The following HS6ST3 variants were observed in gnomAD, a reference collection of about 807,000 sequenced individuals.
HS6ST3 encodes the protein heparan sulfate 6-O-sulfotransferase 3, also known as heparan-sulfate 6-O-sulfotransferase 3.
In HS6ST3, 12 loss-of-function variants were observed where a neutral mutation model predicts 36.7. The ratio of observed to expected loss-of-function variants is 0.33; its 90% confidence interval spans 0.21 to 0.53. HS6ST3 has a LOEUF of 0.53. HS6ST3 is among the 20% of genes least tolerant of loss of function. The probability of loss-of-function intolerance (pLI) is 0.95; values close to 1 mark genes in which losing one functional copy is unlikely to be tolerated. For synonymous variants in HS6ST3, 240 were observed against 257.5 expected, an observed-to-expected ratio of 0.93 and a Z score of 0.65; for missense variants, 584 against 640.9, an observed-to-expected ratio of 0.91 and a Z score of 0.96.
intron 1 of HS6ST3, among the ~76,000 whole-genome samples, chr13:96,092,103 C>CT (rs1202402140): frequency 6.6e-6 from 1 of 152,160 alleles, no homozygotes. Context: ...CTTGATGCCA[C>CT]TTTGAAGACA....
intron 1 of HS6ST3, among the ~76,000 whole-genome samples, chr13:96,811,559 A>G (rs1447572827): frequency 1.3e-5 from 2 of 152,244 alleles, no homozygotes; most frequent in Non-Finnish European, 2.9e-5. Flanking sequence ...AAAAGGCAGA[A>G]TTATTTCACA....
At chr13:96,732,916 T>G (rs998843882) in intron 1 of HS6ST3, among the ~76,000 whole-genome samples, 1 of 152,220 alleles carries the variant, frequency 6.6e-6, no homozygotes, top group African/African-American at 2.4e-5. Flanking sequence ...TGGGCTTGTT[T>G]TCTTCATTTC....
chr13:96,601,536 A>G (rs2056421529), intron 1 of HS6ST3, among the ~76,000 whole-genome samples: 1 of 151,718 alleles, frequency 6.6e-6, no homozygotes, highest in African/African-American at 2.4e-5. Context: ...TCATTTCTTT[A>G]TGTTGGTTTT....
rs12430998 is a variant in HS6ST3 at position 96,553,982 on chromosome 13, G to A, written c.708-278508G>A. On this transcript the variant is annotated intron_variant, in intron 1 of 1. Transcript: ENST00000376705. ...AATCGCATTAGGGAGGTCTGTGTGC[G>A]TGCGTGCGTGCATGTGTGTGCGCGT... Among the ~76,000 whole-genome samples, 931 of 152,282 alleles carry A rather than the reference G, an allele frequency of 6.1e-3. 44 individuals carry two copies. The highest frequency in any genetic ancestry group is 0.058 in the Admixed American group (894 of 15,300).
At chr13:96,223,656 G>T (rs78913805) in intron 1 of HS6ST3, among the ~76,000 whole-genome samples, 14,113 of 152,032 alleles carry the variant, frequency 0.093, 754 homozygotes, top group Middle Eastern at 0.14. Flanking sequence ...ATGGATATGG[G>T]GGGGGGGAAG....
At chr13:96,830,462 T>G (rs1021395046) in intron 1 of HS6ST3, among the ~76,000 whole-genome samples, 2 of 152,232 alleles carry the variant, frequency 1.3e-5, no homozygotes, top group Non-Finnish European at 2.9e-5. Context: ...TCAAAAGTCA[T>G]TCCTCAATAG....
chr13:96,156,701 T>C (rs533810055), intron 1 of HS6ST3, among the ~76,000 whole-genome samples: 1 of 152,292 alleles, frequency 6.6e-6, no homozygotes, highest in South Asian at 2.1e-4. Flanking sequence ...TTTCTTGACT[T>C]CAGGTCCTGA....
rs528078050 is a variant in HS6ST3, at chr13:96,602,353, C to CT, written c.708-230129dup. ...TTATGTTTTCCTGATTGTTCTTGAT[C>CT]TTTTTTTTAGCATGATGTCTGTGTA... On this transcript the variant is annotated intron_variant, in intron 1 of 1. Coordinates refer to ENST00000376705, the MANE Select transcript of HS6ST3 (RefSeq NM_153456.4). 1.1e-4 allele frequency among the ~76,000 whole-genome samples: 17 copies of CT among 152,086 alleles called. 1 individual carries two copies. Among genetic ancestry groups the CT allele is most frequent in the Admixed American group, 9.8e-4 (15 of 15,276 alleles).
chr13:96,738,241 T>C (rs2138482565), intron 1 of HS6ST3, among the ~76,000 whole-genome samples: 1 of 152,356 alleles, frequency 6.6e-6, no homozygotes, highest in East Asian at 1.9e-4. Flanking sequence ...GTAAGCTTTC[T>C]GCATGGCCAT....
rs1370987374 is a variant in HS6ST3 at position 96,435,361 on chromosome 13, G to T, written c.707+343792G>T. On this transcript the variant is annotated intron_variant, in intron 1 of 1. Coordinates refer to ENST00000376705, the MANE Select transcript of HS6ST3 (RefSeq NM_153456.4). Reference sequence around the variant, plus strand: ...TGGAGTCTGTATGTATTTTTTTCATGACTGATTTTGACTGGACTCTTCTCC... The same window carrying T: ...TGGAGTCTGTATGTATTTTTTTCATTACTGATTTTGACTGGACTCTTCTCC... Among the ~76,000 whole-genome samples the T allele has an allele frequency of 1.3e-5, 2 of 151,426 alleles. 1 individual carries two copies. Among genetic ancestry groups the T allele is most frequent in the Admixed American group, 1.3e-4 (2 of 15,226 alleles).
intron 1 of HS6ST3, among the ~76,000 whole-genome samples, chr13:96,266,377 G>A (rs1470332591): frequency 6.6e-6 from 1 of 152,128 alleles, no homozygotes; most frequent in Non-Finnish European, 1.5e-5. Flanking sequence ...ATGTGAGGTT[G>A]GGTGTAAAGA....
chr13:96,655,297 A>C, intron 1 of HS6ST3, among the ~76,000 whole-genome samples: 1 of 152,128 alleles, frequency 6.6e-6, no homozygotes, highest in Admixed American at 6.6e-5. Context: ...AGAGTAAATC[A>C]GGGGACATTT....
chr13:96,581,222 A>ATTTT (rs11411556), intron 1 of HS6ST3, among the ~76,000 whole-genome samples: 1 of 142,738 alleles, frequency 7.0e-6, no homozygotes, highest in Non-Finnish European at 1.5e-5. Flanking sequence ...AACAACTACT[A>ATTTT]TTTTTTTTTT....
chr13:96,721,786 G>A (rs1223249651), intron 1 of HS6ST3, among the ~76,000 whole-genome samples: 1 of 152,126 alleles, frequency 6.6e-6, no homozygotes, highest in Non-Finnish European at 1.5e-5. Context: ...GCAGTTCCTG[G>A]AGCCAAGCTC....
rs76414648 is a variant in HS6ST3, at chr13:96,828,990, T to C, written c.708-3500T>C. Reference sequence around the variant, plus strand: ...TTATTAGGCATCACTAGAGGCTGAGTTTCCTTTCTTGGGAATTAGGAATGT... The same window carrying C: ...TTATTAGGCATCACTAGAGGCTGAGCTTCCTTTCTTGGGAATTAGGAATGT... On this transcript the variant is annotated intron_variant, in intron 1 of 1. Coordinates refer to ENST00000376705, the MANE Select transcript of HS6ST3 (RefSeq NM_153456.4). 1.1e-3 allele frequency among the ~76,000 whole-genome samples: 172 copies of C among 152,326 alleles called. 3 individuals carry two copies. The East Asian group carries it at 0.023, about 20-fold the overall frequency.
intron 1 of HS6ST3, among the ~76,000 whole-genome samples, chr13:96,566,188 A>C (rs2056280625): frequency 6.6e-6 from 1 of 152,088 alleles, no homozygotes; most frequent in Admixed American, 6.6e-5. Context: ...TAATAGGAGG[A>C]CAAAATTAAT....
chr13:96,526,909 A>T (rs2056116467), intron 1 of HS6ST3, among the ~76,000 whole-genome samples: 1 of 152,166 alleles, frequency 6.6e-6, no homozygotes. Context: ...GATTTCAAAG[A>T]TTTAGTAAGA....
intron 1 of HS6ST3, among the ~76,000 whole-genome samples, chr13:96,134,694 C>G (rs1000012370): frequency 7.2e-5 from 11 of 152,252 alleles, no homozygotes; most frequent in Admixed American, 7.2e-4. Context: ...CAAGGACATT[C>G]TTGCCTCTGT....
intron 1 of HS6ST3, among the ~76,000 whole-genome samples, chr13:96,281,173 T>C (rs568661384): frequency 2.2e-4 from 33 of 152,140 alleles, no homozygotes; most frequent in Admixed American, 1.7e-3. Context: ...ACCCAGCTAA[T>C]TTTTATATTT....
Sources: allele counts gnomAD v4.1 joint callset (sites outside exome capture counted in the v4.1 genomes callset), GRCh38; gene constraint gnomAD v4.1.1; transcripts MANE v1.5; gene names NCBI Gene and HGNC (gene_info 2026-07-23, HGNC 2026-07-21).